Variants in AKTIP observed in about 807,000 individuals in gnomAD.
AKTIP encodes the protein AKT interacting protein, also known as AKT-interacting protein.
AKTIP carries 16 observed loss-of-function variants against 39.1 expected under a neutral mutation model. That is an observed-to-expected ratio of 0.41 (90% CI 0.28 to 0.62). The LOEUF (loss-of-function observed/expected upper bound fraction) is 0.62. Among genes scored for constraint, AKTIP ranks in the 20% least tolerant of loss-of-function variants. AKTIP has a pLI of 0.32. For synonymous variants in AKTIP, 93 were observed against 124.3 expected (o/e 0.75, Z 1.67); for missense variants, 262 against 356.6 (o/e 0.73, Z 2.14).
intron 5 of AKTIP, 76 bp from the exon 6 acceptor site, chr16:53,494,681 A>G: frequency 7.1e-7 from 1 of 1,403,130 alleles, no homozygotes; most frequent in Non-Finnish European, 9.9e-7. Flanking sequence ...ATCGTGATAA[A>G]AAGAGCTTCA....
intron 1 of AKTIP, among the ~76,000 whole-genome samples, chr16:53,502,475 A>G (rs1962226675): frequency 6.6e-6 from 1 of 152,170 alleles, no homozygotes; most frequent in Admixed American, 6.5e-5. Context: ...AGGCTAAAAC[A>G]TGAGTGCTGC....
chr16:53,500,460 C>G (rs1248167448), intron 1 of AKTIP, 131 bp from the exon 2 acceptor site: 1 of 430,262 alleles, frequency 2.3e-6, no homozygotes, highest in Non-Finnish European at 4.0e-6. Flanking sequence ...TCACTGCAAC[C>G]TCCACCTCCT....
In AKTIP at chr16:53,492,413, T is replaced by C; in HGVS notation, c.878A>G (p.Ter293=). 6.2e-7 allele frequency: 1 copy of C among 1,612,100 alleles called. No homozygotes were observed. Among genetic ancestry groups the C allele is most frequent in the Non-Finnish European group, 8.5e-7 (1 of 1,179,838 alleles). The part of the protein sequence containing the change: ...FSKEEKTVAT[*] ...ATGGTGCACCAGATTCACCATCTCT[T>C]AAGTCGCCACTGTTTTCTCTTCTTT... is the stretch of plus-strand genomic sequence containing the variant. The change falls in exon 10 of 10, where the codon TAA becomes TGA. Residue 293 remains the stop codon, a stop_retained_variant. Transcript: ENST00000394657.
intron 3 of AKTIP, among the ~76,000 whole-genome samples, chr16:53,496,975 T>G (rs1443534578): frequency 6.6e-6 from 1 of 152,218 alleles, no homozygotes. Flanking sequence ...TTTTTAATTT[T>G]TTTTTTAGAG....
In AKTIP at chr16:53,492,423, C is replaced by T. The variant is rs772679190; in HGVS notation, c.868G>A (p.Val290Met). ...VQPFSKEEKT[V>M]AT ...AGATTCACCATCTCTTAAGTCGCCA[C>T]TGTTTTCTCTTCTTTACTGAAAGGC... Residue 290 changes from valine to methionine, a missense_variant, in exon 10 of 10, where the codon GTG becomes ATG. Transcript: ENST00000394657. The T allele has an allele frequency of 1.4e-5, 23 of 1,612,384 alleles. 1 individual carries two copies. The East Asian group carries it at 3.8e-4, about 27-fold the overall frequency.
At position 53,498,595 on chromosome 16, in the gene AKTIP, C is replaced by A. The variant is rs764155782; in HGVS notation, c.44G>T (p.Arg15Leu). ...WSMSTSSVRKRSEGEEKTLTG... is the reference protein window; with the variant it reads ...WSMSTSSVRKLSEGEEKTLTG... The stretch of plus-strand genomic sequence containing the variant: ...TAATGTCTTCTCTTCACCTTCAGAT[C>A]GCTATACAAGATGAAGTTGTAAGAA... Residue 15 changes from arginine to leucine, a missense_variant and splice_region_variant, in exon 3 of 10, where the codon CGA (arginine) becomes CTA (leucine). Physicochemically the swap from Arg to Leu is moderately radical, Grantham distance 102. Around this residue, in one of 4 missense-constraint regions of AKTIP, gnomAD observed 88 missense variants for 132.1 expected, o/e 0.67. Coordinates refer to ENST00000394657, the MANE Select transcript of AKTIP (RefSeq NM_022476.4). 1.2e-6 allele frequency: 2 copies of A among 1,613,870 alleles called. No homozygotes were observed. The highest frequency in any genetic ancestry group is 3.3e-5 in the Admixed American group (2 of 60,020).
intron 3 of AKTIP, among the ~76,000 whole-genome samples, chr16:53,495,720 T>C (rs1053220954): frequency 6.6e-6 from 1 of 152,228 alleles, no homozygotes; most frequent in Non-Finnish European, 1.5e-5. Flanking sequence ...CTGAGGTCAA[T>C]GAGAGTATTT....
At chr16:53,501,817 C>T (rs1962185318) in intron 1 of AKTIP, 1 of 152,372 alleles carries the variant, frequency 6.6e-6, no homozygotes, top group East Asian at 1.9e-4. Flanking sequence ...GGCTCTTCTA[C>T]TAGCATGGAT....
chr16:53,499,479 G>A (rs1962042013), intron 2 of AKTIP, among the ~76,000 whole-genome samples: 1 of 145,830 alleles, frequency 6.9e-6, no homozygotes, highest in Admixed American at 6.8e-5. Flanking sequence ...TTTTTGAGAT[G>A]GAGTCTTGCT....
chr16:53,496,840 CA>C (rs774187876), intron 3 of AKTIP, among the ~76,000 whole-genome samples: 1 of 150,894 alleles, frequency 6.6e-6, no homozygotes. Flanking sequence ...GACTCCATCT[CA>C]AAAAAAAGAA....
At chr16:53,493,982 G>A (rs1961667050) in intron 8 of AKTIP, 156 bp downstream of exon 8, 2 of 602,976 alleles carry the variant, frequency 3.3e-6, no homozygotes, top group African/African-American at 1.9e-5. Context: ...AGCCTCAAGA[G>A]GCATCAGAAA....
In AKTIP at chr16:53,496,245, A is replaced by T. The variant is rs143244852; in HGVS notation, c.249-919T>A. On this transcript the variant is annotated intron_variant, in intron 3 of 9. Coordinates refer to ENST00000394657, the MANE Select transcript of AKTIP (RefSeq NM_022476.4). ...TGCTAAAATTCAGCATGTCAGTAGC[A>T]ACATGGCTGGCAGCTGTATCTCTAC... 5.4e-3 allele frequency among the ~76,000 whole-genome samples: 815 copies of T among 152,296 alleles called. 4 individuals are homozygous for T. Among genetic ancestry groups the T allele is most frequent in the African/African-American group, 0.019 (793 of 41,540 alleles).
intron 2 of AKTIP, among the ~76,000 whole-genome samples, chr16:53,499,695 C>T (rs1409179098): frequency 6.6e-6 from 1 of 151,948 alleles, no homozygotes; most frequent in Non-Finnish European, 1.5e-5. Context: ...CTCCTGACCT[C>T]GTGATCTGCC....
rs747621138 is a variant in AKTIP at position 53,498,530 on chromosome 16, T to C, written c.109A>G (p.Lys37Glu). The change falls in exon 3 of 10, where the codon AAG (lysine) becomes GAG (glutamate). Residue 37 changes from lysine to glutamate, a missense_variant. Around this residue, in one of 4 missense-constraint regions of AKTIP, gnomAD observed 88 missense variants for 132.1 expected, o/e 0.67. Coordinates refer to ENST00000394657, the MANE Select transcript of AKTIP (RefSeq NM_022476.4). ...TTGGGAATAGAAGGCAGCTGTTTCTTTGGTGCAGTTCGTGGAGGACTGGTT... is the reference window on the plus strand; with the variant it reads ...TTGGGAATAGAAGGCAGCTGTTTCTCTGGTGCAGTTCGTGGAGGACTGGTT... ...VKTSPPRTAP[K>E]KQLPSIPKNA... is the part of the protein sequence containing the mutation. 6.2e-7 allele frequency: 1 copy of C among 1,614,068 alleles called. No individual in the cohort carries two copies. The highest frequency in any genetic ancestry group is 8.5e-7 in the Non-Finnish European group (1 of 1,180,000).
chr16:53,492,794 C>T (rs1333691807), intron 8 of AKTIP, 41 bp from the exon 9 acceptor site: 1 of 1,573,426 alleles, frequency 6.4e-7, no homozygotes, highest in African/African-American at 1.4e-5. Flanking sequence ...TTTGTTGGCT[C>T]ACTAAATTTC....
intron 1 of AKTIP, among the ~76,000 whole-genome samples, chr16:53,502,078 C>G (rs1272072257): frequency 1.3e-5 from 2 of 152,154 alleles, no homozygotes; most frequent in East Asian, 3.9e-4. Flanking sequence ...CTGGTGCAAA[C>G]CTGTAAAGTC....
rs1364147270 is a variant in AKTIP at position 53,500,237 on chromosome 16, G to A, written c.23C>T (p.Ser8Phe). 6.2e-7 allele frequency: 1 copy of A among 1,612,754 alleles called. No individual in the cohort carries two copies. The highest frequency in any genetic ancestry group is 1.1e-5 in the South Asian group (1 of 90,820). MNPFWSM[S>F]TSSVRKRSEG... ...ACCTACTTTGCGTACAGAGCTTGTA[G>A]ACATGCTCCAGAAAGGGTTCATAAC... Residue 8 changes from serine (S) to phenylalanine (F), a missense_variant, in exon 2 of 10, where the codon TCT becomes TTT. Transcript: ENST00000394657.
rs766802657 is a variant in AKTIP, at chr16:53,494,224, A to G, written c.624T>C (p.Leu208=). The G allele has an allele frequency of 1.9e-6, 3 of 1,614,088 alleles. No homozygotes were observed. Among genetic ancestry groups the G allele is most frequent in the Non-Finnish European group, 2.5e-6 (3 of 1,180,046 alleles). Residue 208 remains leucine (L), a synonymous_variant, in exon 8 of 10, where the codon CTT becomes CTC. Transcript: ENST00000394657. ...AAVLYEKDIQ[L]FKSKVVDSVK... is the part of the protein sequence containing the mutation. ...CACTGTCAACAACTTTACTTTTAAA[A>G]AGCTGAATATCTTTTTCATACCTGT...
intron 8 of AKTIP, 23 bp downstream of exon 8, chr16:53,494,115 C>G (rs1413343335): frequency 1.3e-6 from 2 of 1,552,320 alleles, no homozygotes; most frequent in Non-Finnish European, 1.8e-6. Flanking sequence ...GTGGACAGTT[C>G]ACTTGGGGGA....
Sources: allele counts gnomAD v4.1 joint callset (sites outside exome capture counted in the v4.1 genomes callset), GRCh38; gene constraint gnomAD v4.1.1; regional missense constraint gnomAD v4.1.1; transcripts MANE v1.5; gene names NCBI Gene and HGNC (gene_info 2026-07-23, HGNC 2026-07-21).